MLH3: variants seen among roughly 807,000 people sequenced by gnomAD.
The protein encoded by MLH3 is mutL homolog 3.
MLH3 carries 82 observed loss-of-function variants against 122.2 expected under a neutral mutation model. The ratio of observed to expected loss-of-function variants is 0.67; its 90% CI spans 0.56 to 0.81. The LOEUF (loss-of-function observed/expected upper bound fraction) is 0.81. Ranked by LOEUF, MLH3 falls within the 30% of genes least tolerant of loss-of-function variation. The pLI, the probability that MLH3 is intolerant of heterozygous loss-of-function variation, is 0.00. For synonymous variants in MLH3, 524 were observed against 599.5 expected (o/e 0.87, Z 1.84); for missense variants, 1,539 against 1,714.5 (o/e 0.90, Z 1.81).
chr14:75,034,579 C>A (rs1439270796), intron 6 of MLH3, among the ~76,000 whole-genome samples: 1 of 152,122 alleles, frequency 6.6e-6, no homozygotes, highest in African/African-American at 2.4e-5. Context: ...ATACTAATTT[C>A]ATATAATTTT....
chr14:75,028,664 C>T (rs561558553), intron 9 of MLH3, among the ~76,000 whole-genome samples: 175 of 151,332 alleles, frequency 1.2e-3, no homozygotes, highest in Non-Finnish European at 2.3e-3. Context: ...ATGATCCGCC[C>T]GCCTTGGCCT....
chr14:75,051,375 G>A lies in MLH3; in HGVS notation c.-64+5C>T, dbSNP rs867671241. On this transcript the variant is annotated splice_donor_5th_base_variant and intron_variant, in intron 1 of 12. Transcript: ENST00000355774. ...CTTTTCGTCGCGTGCTTCCCCCAGA[G>A]TCACCTGGAGTCCCGCTTAACAAAT... 8 of 152,300 alleles carry A rather than the reference G, an allele frequency of 5.3e-5. No homozygotes were observed. Among genetic ancestry groups the A allele is most frequent in the African/African-American group, 1.9e-4 (8 of 41,466 alleles). The allele number at this position is 152,300 out of a possible 1,614,324, so 9.4% of individuals were successfully genotyped here.
intron 4 of MLH3, among the ~76,000 whole-genome samples, chr14:75,041,246 T>A (rs1347890205): frequency 6.6e-6 from 1 of 151,944 alleles, no homozygotes; most frequent in Non-Finnish European, 1.5e-5. Context: ...AAACTCAAAG[T>A]TTAAAATAAC....
chr14:75,042,836 C>T (rs1057304930), intron 2 of MLH3, among the ~76,000 whole-genome samples: 4 of 151,030 alleles, frequency 2.6e-5, no homozygotes, highest in African/African-American at 4.9e-5. Flanking sequence ...AGTACAGTGG[C>T]GTGATCTCGG....
Position 75,016,946 on chromosome 14 carries a change from G to C in MLH3, c.*136C>G. ...TCTGCTCAAGAAAGACTGATACAGA[G>C]AGCCCTGCTGTCTAAGCTGCTCAGG... On this transcript the variant is annotated 3_prime_UTR_variant, in exon 13 of 13. Coordinates refer to ENST00000355774, the MANE Select transcript of MLH3 (RefSeq NM_001040108.2). 1 of 936,960 alleles carries C rather than the reference G, an allele frequency of 1.1e-6. No homozygotes were observed. Among genetic ancestry groups the C allele is most frequent in the Non-Finnish European group, 1.7e-6 (1 of 575,210 alleles). 58.0% of individuals were successfully genotyped at this position (936,960 alleles called of 1,614,324 possible).
At chr14:75,030,331 C>A (rs1294727195) in intron 9 of MLH3, among the ~76,000 whole-genome samples, 1 of 152,144 alleles carries the variant, frequency 6.6e-6, no homozygotes, top group Non-Finnish European at 1.5e-5. Flanking sequence ...AAAACACATA[C>A]CTCTACTAGC....
chr14:75,032,049 T>C lies in MLH3; in HGVS notation c.3827+19A>G, dbSNP rs1340786781. The stretch of plus-strand genomic sequence containing the variant: ...GAGAATTGATACCATCAACATCACA[T>C]TCTCATGGTGGTACTGACCATAAGA... On this transcript the variant is annotated intron_variant, in intron 8 of 12. Coordinates refer to ENST00000355774, the MANE Select transcript of MLH3 (RefSeq NM_001040108.2). 7.4e-7 allele frequency: 1 copy of C among 1,353,428 alleles called. No homozygotes were observed. The highest frequency in any genetic ancestry group is 1.2e-5 in the South Asian group (1 of 85,682). The allele number at this position is 1,353,428 out of a possible 1,614,324, so 83.8% of individuals were successfully genotyped here. A position where few individuals can be genotyped will look rare whatever the true frequency, so the allele number is the denominator to read the frequency against.
chr14:75,027,786 A>G (rs562032164), intron 9 of MLH3, among the ~76,000 whole-genome samples: 17 of 151,980 alleles, frequency 1.1e-4, no homozygotes, highest in African/African-American at 2.4e-4. Flanking sequence ...AAGATTGACT[A>G]TAAAATAAAT....
chr14:75,042,554 A>G (rs1389691963), intron 2 of MLH3, 77 bp from the exon 3 acceptor site: 1 of 1,108,712 alleles, frequency 9.0e-7, no homozygotes, highest in East Asian at 2.4e-5. Flanking sequence ...ATCACATAAA[A>G]CCTCTTTCTG....
chr14:75,032,875 A>C (rs1228250131), intron 7 of MLH3, among the ~76,000 whole-genome samples: 1 of 147,534 alleles, frequency 6.8e-6, no homozygotes. Context: ...GGAAAGATAG[A>C]TTTAAAAACC....
At chr14:75,038,254 AC>A (rs1891554716) in intron 6 of MLH3, 85 bp downstream of exon 6, 1 of 943,038 alleles carries the variant, frequency 1.1e-6, no homozygotes, top group Non-Finnish European at 1.7e-6. Context: ...AATCATTGAA[AC>A]TATATTATAT....
Position 75,017,191 on chromosome 14 carries a change from T to A in MLH3, c.4253A>T (p.Asn1418Ile), listed in dbSNP as rs1258839619. 1 of 1,613,806 alleles carries A rather than the reference T, an allele frequency of 6.2e-7. No individual in the cohort carries two copies. The highest frequency in any genetic ancestry group is 1.3e-5 in the African/African-American group (1 of 75,012). ...GGCCATTTTGCGAAGTTTAGTGAGG[T>A]TGGGTTTAATCTATGGGAAGAAAGA... ...HLEQEKQIKP[N>I]LTKLRKMAQA... The change falls in exon 13 of 13, where the codon AAC becomes ATC. Residue 1418 changes from asparagine (N) to isoleucine (I), a missense_variant. Asn to Ile is a moderately radical substitution (Grantham distance 149). Transcript: ENST00000355774.
chr14:75,025,974 C>T (rs955479596), intron 9 of MLH3, among the ~76,000 whole-genome samples: 1 of 152,116 alleles, frequency 6.6e-6, no homozygotes, highest in Admixed American at 6.6e-5. Flanking sequence ...CTTGCTTCTG[C>T]CTCCCAAATT....
intron 1 of MLH3, 76 bp from the exon 2 acceptor site, chr14:75,049,794 G>T: frequency 1.1e-6 from 1 of 892,398 alleles, no homozygotes; most frequent in Non-Finnish European, 1.8e-6. Context: ...AATAGCACTT[G>T]AGGTAAATGA....
intron 2 of MLH3, among the ~76,000 whole-genome samples, chr14:75,046,116 G>A (rs1020047945): frequency 5.3e-5 from 8 of 149,978 alleles, no homozygotes; most frequent in Non-Finnish European, 4.4e-5. Flanking sequence ...GGGGGCAGAG[G>A]TTGCAGTGAG....
intron 4 of MLH3, among the ~76,000 whole-genome samples, chr14:75,040,975 G>C (rs1258103099): frequency 6.6e-6 from 1 of 152,108 alleles, no homozygotes; most frequent in African/African-American, 2.4e-5. Flanking sequence ...AATATGCCCA[G>C]TTTCCAATCA....
intron 5 of MLH3, among the ~76,000 whole-genome samples, chr14:75,038,907 C>T (rs1357425520): frequency 2.0e-5 from 3 of 148,908 alleles, no homozygotes; most frequent in Non-Finnish European, 3.0e-5. Flanking sequence ...GGTGTGATCT[C>T]GGCTCACTGC....
intron 1 of MLH3, among the ~76,000 whole-genome samples, chr14:75,050,644 C>A (rs1400307017): frequency 6.6e-6 from 1 of 152,160 alleles, no homozygotes; most frequent in Non-Finnish European, 1.5e-5. Flanking sequence ...AAGTGATCCT[C>A]CCGCCTTGGC....
chr14:75,042,890 C>T (rs1008044181), intron 2 of MLH3, among the ~76,000 whole-genome samples: 17 of 152,074 alleles, frequency 1.1e-4, no homozygotes, highest in African/African-American at 4.1e-4. Flanking sequence ...ATTCTCCTGC[C>T]TCAGCCTCCC....
Sources: allele counts gnomAD v4.1 joint callset (sites outside exome capture counted in the v4.1 genomes callset), GRCh38; gene constraint gnomAD v4.1.1; transcripts MANE v1.5; gene names NCBI Gene and HGNC (gene_info 2026-07-23, HGNC 2026-07-21).